Variants in FAM13A observed in about 807,000 individuals in gnomAD.
FAM13A encodes protein FAM13A.
In FAM13A, 76 loss-of-function variants were observed where a neutral mutation model predicts 129.6. The ratio of observed to expected loss-of-function variants is 0.59; its 90% confidence interval spans 0.49 to 0.71. The LOEUF is 0.71. Among genes scored for constraint, FAM13A ranks in the 30% least tolerant of loss-of-function variants. The pLI is 0.00. For missense variants in FAM13A, 1,108 were observed against 1,249.3 expected, an observed-to-expected ratio of 0.89 and a Z score of 1.70; for synonymous variants, 443 against 449.9, an observed-to-expected ratio of 0.98 and a Z score of 0.20.
intron 6 of FAM13A, among the ~76,000 whole-genome samples, chr4:88,882,877 A>G (rs570293351): frequency 6.6e-6 from 1 of 152,330 alleles, no homozygotes; most frequent in Admixed American, 6.5e-5. Context: ...CTTATATCAG[A>G]CAAAACAAAC....
At chr4:88,945,990 GTATATATATATATATA>G (rs199936059) in intron 4 of FAM13A, among the ~76,000 whole-genome samples, 792 of 61,982 alleles carry the variant, frequency 0.013, 15 homozygotes, top group Non-Finnish European at 0.018. Flanking sequence ...GTGTGTGTGT[GTATATATATATATATA>G]TATATATATA....
At chr4:89,010,343 T>A (rs1033725259) in intron 3 of FAM13A, among the ~76,000 whole-genome samples, 1 of 152,212 alleles carries the variant, frequency 6.6e-6, no homozygotes, top group African/African-American at 2.4e-5. Context: ...ATTTTCTGAA[T>A]TTCATCATTT....
chr4:88,873,737 T>C (rs1424801623), intron 6 of FAM13A, among the ~76,000 whole-genome samples: 1 of 152,204 alleles, frequency 6.6e-6, no homozygotes, highest in Non-Finnish European at 1.5e-5. Flanking sequence ...TACCATTCCT[T>C]CTGAAACTAT....
chr4:89,032,054 C>G (rs935552184), intron 1 of FAM13A, among the ~76,000 whole-genome samples: 4 of 151,720 alleles, frequency 2.6e-5, no homozygotes, highest in Admixed American at 6.6e-5. Context: ...CCCATCTCTA[C>G]TAAAAATACA....
chr4:88,833,691 G>C (rs1227196527), intron 7 of FAM13A, among the ~76,000 whole-genome samples: 1 of 151,994 alleles, frequency 6.6e-6, no homozygotes, highest in Non-Finnish European at 1.5e-5. Context: ...TTCAAGACCA[G>C]CCTGGTCAAC....
intron 1 of FAM13A, among the ~76,000 whole-genome samples, chr4:89,042,330 T>C (rs999395942): frequency 6.6e-6 from 1 of 152,176 alleles, no homozygotes; most frequent in African/African-American, 2.4e-5. Context: ...TTGGAATAGC[T>C]AGCTATGGAC....
chr4:88,744,358 G>T (rs570883921), intron 19 of FAM13A, among the ~76,000 whole-genome samples: 2 of 152,170 alleles, frequency 1.3e-5, no homozygotes, highest in Non-Finnish European at 2.9e-5. Context: ...TGAAGAGGAC[G>T]CACTTTAATA....
intron 7 of FAM13A, among the ~76,000 whole-genome samples, chr4:88,834,183 A>G (rs893713776): frequency 7.1e-6 from 1 of 141,162 alleles, no homozygotes; most frequent in African/African-American, 2.7e-5. Context: ...AAGTGCTGGG[A>G]TTATAGGCGT....
chr4:89,050,372 T>G (rs1333413387), intron 1 of FAM13A, among the ~76,000 whole-genome samples: 2 of 151,948 alleles, frequency 1.3e-5, no homozygotes, highest in Non-Finnish European at 2.9e-5. Flanking sequence ...CCAGCTAATT[T>G]TTTTTGTATT....
At chr4:88,770,190 G>A (rs1391376099) in intron 11 of FAM13A, among the ~76,000 whole-genome samples, 1 of 152,176 alleles carries the variant, frequency 6.6e-6, no homozygotes, top group African/African-American at 2.4e-5. Context: ...TACCTCTAAA[G>A]TGTGAGTTAG....
chr4:88,939,564 AT>A (rs1754406804), intron 4 of FAM13A, among the ~76,000 whole-genome samples: 1 of 152,186 alleles, frequency 6.6e-6, no homozygotes, highest in Non-Finnish European at 1.5e-5. Context: ...AGGAGATACT[AT>A]TTAACCTACT....
At chr4:89,035,733 A>G (rs1227045846) in intron 1 of FAM13A, among the ~76,000 whole-genome samples, 1 of 152,144 alleles carries the variant, frequency 6.6e-6, no homozygotes, top group Non-Finnish European at 1.5e-5. Flanking sequence ...GTTTAAAAGT[A>G]TGTAGCACCT....
chr4:88,921,299 G>A (rs1443166289), intron 5 of FAM13A, among the ~76,000 whole-genome samples: 2 of 152,190 alleles, frequency 1.3e-5, no homozygotes, highest in Non-Finnish European at 2.9e-5. Context: ...GGCAGCCAGA[G>A]AGAAAGGTCG....
At chr4:88,840,275 C>T (rs964125339) in intron 7 of FAM13A, among the ~76,000 whole-genome samples, 3 of 152,076 alleles carry the variant, frequency 2.0e-5, no homozygotes, top group Admixed American at 6.5e-5. Flanking sequence ...AACAAGAACA[C>T]ATTAAGTGGT....
At chr4:89,014,331 ATCAC>A (rs1766168394) in intron 3 of FAM13A, among the ~76,000 whole-genome samples, 1 of 152,346 alleles carries the variant, frequency 6.6e-6, no homozygotes, top group South Asian at 2.1e-4. Context: ...TATGACAGCC[ATCAC>A]TCACTATTTA....
chr4:88,761,299 C>T (rs896360083), intron 13 of FAM13A, among the ~76,000 whole-genome samples: 2 of 152,008 alleles, frequency 1.3e-5, no homozygotes, highest in Admixed American at 6.5e-5. Flanking sequence ...TATTTGACAC[C>T]GTATGAAGAC....
intron 22 of FAM13A, 53 bp downstream of exon 22, chr4:88,731,949 T>TA: frequency 7.3e-7 from 1 of 1,378,404 alleles, no homozygotes; most frequent in Non-Finnish European, 1.0e-6. Context: ...AGATAATATT[T>TA]AAGTGAGCTA....
chr4:89,022,847 G>A (rs923318960), intron 2 of FAM13A, among the ~76,000 whole-genome samples: 5 of 152,114 alleles, frequency 3.3e-5, no homozygotes, highest in African/African-American at 1.2e-4. Flanking sequence ...AACGACCAGT[G>A]AATAACTGAA....
intron 4 of FAM13A, among the ~76,000 whole-genome samples, chr4:88,982,105 G>A (rs1579614527): frequency 6.6e-6 from 1 of 152,350 alleles, no homozygotes; most frequent in East Asian, 1.9e-4. Flanking sequence ...GTAGAGCCAA[G>A]GCAATCTGAG....
Sources: allele counts gnomAD v4.1 joint callset (sites outside exome capture counted in the v4.1 genomes callset), GRCh38; gene constraint gnomAD v4.1.1; transcripts MANE v1.5; gene names NCBI Gene and HGNC (gene_info 2026-07-23, HGNC 2026-07-21).